Variants in CAMK1D observed in about 807,000 individuals in gnomAD.
CAMK1D encodes the protein calcium/calmodulin-dependent protein kinase type 1D.
CAMK1D carries 9 observed loss-of-function variants against 47.7 expected under a neutral mutation model. The ratio of observed to expected loss-of-function variants is 0.19; its 90% confidence interval spans 0.11 to 0.33. The LOEUF (loss-of-function observed/expected upper bound fraction) is 0.33, where lower values mean the gene tolerates loss of function less well. CAMK1D is among the 10% of genes least tolerant of loss of function. CAMK1D has a pLI of 1.00. For missense variants in CAMK1D, 291 were observed against 488.7 expected (o/e 0.60, Z 3.81); for synonymous variants, 184 against 184.9 (o/e 0.99, Z 0.04).
chr10:12,604,884 C>CT (rs1255361506), intron 2 of CAMK1D, among the ~76,000 whole-genome samples: 2 of 144,718 alleles, frequency 1.4e-5, no homozygotes, highest in African/African-American at 2.7e-5. Context: ...CAATGCAATC[C>CT]TTTTTTTTCT....
chr10:12,526,001 G>T (rs1024397154), intron 1 of CAMK1D, among the ~76,000 whole-genome samples: 1 of 152,124 alleles, frequency 6.6e-6, no homozygotes, highest in Non-Finnish European at 1.5e-5. Flanking sequence ...CCAGTGATCC[G>T]CCTGCTGTGG....
chr10:12,424,831 T>G (rs2131975579), intron 1 of CAMK1D, among the ~76,000 whole-genome samples: 1 of 152,162 alleles, frequency 6.6e-6, no homozygotes, highest in Middle Eastern at 3.4e-3. Context: ...CAAAAACCCA[T>G]TAGGGACTTC....
At chr10:12,523,746 A>G (rs1192204770) in intron 1 of CAMK1D, among the ~76,000 whole-genome samples, 1 of 152,084 alleles carries the variant, frequency 6.6e-6, no homozygotes, top group African/African-American at 2.4e-5. Flanking sequence ...AAAGAGAGGG[A>G]GAGGGAGACC....
intron 3 of CAMK1D, among the ~76,000 whole-genome samples, chr10:12,694,536 GTATAAAATATATATTATA>G (rs1311946947): frequency 0.019 from 1,167 of 62,928 alleles, 15 homozygotes; most frequent in Non-Finnish European, 0.027. Context: ...TATATATTAT[GTATAAAATATATATTATA>G]TATAAAATAT....
At chr10:12,749,545 TTG>T (rs146133357) in intron 3 of CAMK1D, among the ~76,000 whole-genome samples, 10,577 of 138,782 alleles carry the variant, frequency 0.076, 517 homozygotes, top group Non-Finnish European at 0.11. Context: ...GTTTGTTTGT[TTG>T]TTTTTTGTTT....
At position 12,403,471 on chromosome 10, in the gene CAMK1D, A is replaced by G. The variant is rs374670146; in HGVS notation, c.92+53561A>G. 6.6e-5 allele frequency among the ~76,000 whole-genome samples: 10 copies of G among 152,218 alleles called. 1 individual carries two copies. In the East Asian group the frequency reaches 1.9e-3, roughly 29 times the overall value. ...AGTGAGATGATTGATGATGTTTCTT[A>G]GCTCAGTTTCCAGAAGAGTGGGCAC... On this transcript the variant is annotated intron_variant, in intron 1 of 10. Transcript: ENST00000619168.
At chr10:12,706,649 G>A (rs2130738294) in intron 3 of CAMK1D, among the ~76,000 whole-genome samples, 1 of 151,762 alleles carries the variant, frequency 6.6e-6, no homozygotes. Context: ...TGTTTTTGTT[G>A]TAAACAACTT....
At chr10:12,726,332 G>A (rs965739207) in intron 3 of CAMK1D, among the ~76,000 whole-genome samples, 1 of 152,036 alleles carries the variant, frequency 6.6e-6, no homozygotes, top group Non-Finnish European at 1.5e-5. Context: ...GCTGAGGCAA[G>A]AGAATCACTT....
chr10:12,615,953 C>T (rs1317369454), intron 2 of CAMK1D, among the ~76,000 whole-genome samples: 4 of 144,058 alleles, frequency 2.8e-5, no homozygotes, highest in Non-Finnish European at 6.1e-5. Context: ...TGTTGGTGTG[C>T]GCATAGGTGT....
chr10:12,599,017 C>T (rs1838226127), intron 2 of CAMK1D, among the ~76,000 whole-genome samples: 1 of 152,108 alleles, frequency 6.6e-6, no homozygotes, highest in Non-Finnish European at 1.5e-5. Flanking sequence ...CTCAGGTATT[C>T]ATAGAATTCA....
At chr10:12,496,501 A>G (rs1219255426) in intron 1 of CAMK1D, among the ~76,000 whole-genome samples, 3 of 152,128 alleles carry the variant, frequency 2.0e-5, no homozygotes, top group Admixed American at 1.3e-4. Context: ...AGGGGCCCAG[A>G]GCTGACGTCA....
intron 3 of CAMK1D, among the ~76,000 whole-genome samples, chr10:12,719,309 A>G (rs968855810): frequency 2.6e-5 from 4 of 152,038 alleles, no homozygotes; most frequent in Non-Finnish European, 5.9e-5. Context: ...TGGGAGGCTG[A>G]GGCAGGAGGA....
chr10:12,724,293 C>G (rs1012664318), intron 3 of CAMK1D, among the ~76,000 whole-genome samples: 5 of 152,288 alleles, frequency 3.3e-5, no homozygotes, highest in African/African-American at 9.6e-5. Flanking sequence ...GTGTTTCTAT[C>G]TTTTTGTCTT....
At chr10:12,481,147 C>A (rs1039089191) in intron 1 of CAMK1D, among the ~76,000 whole-genome samples, 2 of 152,168 alleles carry the variant, frequency 1.3e-5, no homozygotes, top group Non-Finnish European at 2.9e-5. Context: ...AGCCATTATT[C>A]CAGAGATCAC....
intron 2 of CAMK1D, among the ~76,000 whole-genome samples, chr10:12,662,651 C>CAAAAAAAAAAAAAAAAAAAAAAAA (rs56807588): frequency 1.4e-4 from 20 of 140,496 alleles, no homozygotes; most frequent in South Asian, 1.2e-3. Flanking sequence ...CACTCTGCCT[C>CAAAAAAAAAAAAAAAAAAAAAAAA]AAAAAAAAAA....
chr10:12,509,253 A>C (rs1011787655), intron 1 of CAMK1D, among the ~76,000 whole-genome samples: 3 of 152,188 alleles, frequency 2.0e-5, no homozygotes, highest in African/African-American at 7.2e-5. Flanking sequence ...CAGGCTTCTA[A>C]TACAGCCATT....
intron 6 of CAMK1D, among the ~76,000 whole-genome samples, chr10:12,806,531 C>T (rs1208920551): frequency 1.3e-5 from 2 of 152,220 alleles, no homozygotes; most frequent in African/African-American, 4.8e-5. Context: ...AGCCTCTGGG[C>T]CCTGGCCAGC....
intron 2 of CAMK1D, among the ~76,000 whole-genome samples, chr10:12,599,223 G>A (rs988259408): frequency 2.6e-5 from 4 of 152,164 alleles, no homozygotes; most frequent in East Asian, 3.9e-4. Flanking sequence ...AAAAATTATG[G>A]TGAAGGTTTT....
intron 3 of CAMK1D, among the ~76,000 whole-genome samples, chr10:12,699,775 T>TG (rs35509367): frequency 0.014 from 2,107 of 152,242 alleles, 48 homozygotes; most frequent in African/African-American, 0.048. Context: ...CTGATTTCTT[T>TG]GGGGCATTGT....
Sources: allele counts gnomAD v4.1 joint callset (sites outside exome capture counted in the v4.1 genomes callset), GRCh38; gene constraint gnomAD v4.1.1; transcripts MANE v1.5; gene names NCBI Gene and HGNC (gene_info 2026-07-23, HGNC 2026-07-21).